Variants in TSHZ2 observed in about 807,000 individuals in gnomAD.
TSHZ2 encodes the protein teashirt homolog 2.
Under a neutral mutation model 74.4 loss-of-function variants are expected in TSHZ2, and 21 were observed. That is an observed-to-expected ratio of 0.28 (90% CI 0.20 to 0.41). The LOEUF is 0.41. Among genes scored for constraint, TSHZ2 ranks in the 10% least tolerant of loss-of-function variants. The pLI, the probability that TSHZ2 is intolerant of heterozygous loss-of-function variation, is 1.00. For synonymous variants in TSHZ2, 540 were observed against 515.3 expected (o/e 1.05, Z -0.65); for missense variants, 1,244 against 1,293.5 (o/e 0.96, Z 0.59).
chr20:53,395,125 AAGGACAG>A lies in TSHZ2; in HGVS notation c.*9-92016_*9-92010del, dbSNP rs146188164. On this transcript the variant is annotated intron_variant, in intron 2 of 2. Transcript: ENST00000371497. The stretch of plus-strand genomic sequence containing the variant: ...TCAAAGGTGAAATGATAAAAAGAAT[AAGGACAG>A]AGCACAACCCACCAGATCAATGAAA... 3.3e-5 allele frequency among the ~76,000 whole-genome samples: 5 copies of A among 152,344 alleles called. No homozygotes were observed. The East Asian group carries it at 5.8e-4, about 18-fold the overall frequency.
intron 1 of TSHZ2, among the ~76,000 whole-genome samples, chr20:52,999,069 A>G (rs956950882): frequency 6.6e-6 from 1 of 151,556 alleles, no homozygotes; most frequent in Admixed American, 6.6e-5. Flanking sequence ...TAGCAAAATG[A>G]TGGCAGAGCT....
intron 2 of TSHZ2, among the ~76,000 whole-genome samples, chr20:53,467,487 A>G (rs2145827456): frequency 6.6e-6 from 1 of 152,372 alleles, no homozygotes; most frequent in Middle Eastern, 3.4e-3. Context: ...AAAAGAAATA[A>G]TAGAAATCAT....
chr20:53,198,489 G>T (rs1600736366), intron 1 of TSHZ2, among the ~76,000 whole-genome samples: 1 of 152,100 alleles, frequency 6.6e-6, no homozygotes. Flanking sequence ...TGAAATTGAG[G>T]TCACATAGCT....
At chr20:53,169,640 T>C (rs892525369) in intron 1 of TSHZ2, among the ~76,000 whole-genome samples, 1 of 152,230 alleles carries the variant, frequency 6.6e-6, no homozygotes, top group African/African-American at 2.4e-5. Context: ...GAACTGTGCA[T>C]ATATGTAAAT....
intron 1 of TSHZ2, among the ~76,000 whole-genome samples, chr20:53,086,335 T>C (rs927148031): frequency 2.6e-5 from 4 of 152,062 alleles, no homozygotes; most frequent in African/African-American, 7.2e-5. Context: ...CTTCAGACTT[T>C]CCTTCTCTCA....
intron 2 of TSHZ2, among the ~76,000 whole-genome samples, chr20:53,337,237 C>T (rs1340991623): frequency 1.3e-5 from 2 of 152,190 alleles, no homozygotes; most frequent in Non-Finnish European, 2.9e-5. Flanking sequence ...AGATAATCTC[C>T]TTTGCTTAAA....
chr20:53,016,921 G>T (rs574374532), intron 1 of TSHZ2, among the ~76,000 whole-genome samples: 39 of 151,496 alleles, frequency 2.6e-4, no homozygotes, highest in African/African-American at 9.5e-4. Flanking sequence ...AGTTGCAGGT[G>T]GGGGGCTTGC....
intron 2 of TSHZ2, among the ~76,000 whole-genome samples, chr20:53,471,658 G>A (rs984192786): frequency 8.5e-5 from 13 of 152,174 alleles, no homozygotes; most frequent in South Asian, 2.1e-4. Context: ...GGAGCAGCAC[G>A]TGCAAAGACC....
At chr20:53,424,072 C>T (rs920598231) in intron 2 of TSHZ2, among the ~76,000 whole-genome samples, 1 of 152,220 alleles carries the variant, frequency 6.6e-6, no homozygotes, top group Non-Finnish European at 1.5e-5. Context: ...ACATCAAAGT[C>T]GATGAACTTG....
intron 2 of TSHZ2, among the ~76,000 whole-genome samples, chr20:53,379,350 C>A (rs1482124332): frequency 6.6e-6 from 1 of 152,158 alleles, no homozygotes; most frequent in Non-Finnish European, 1.5e-5. Context: ...CCACTGCATT[C>A]CAGCCTGGGT....
chr20:53,407,792 AT>A (rs1303675317), intron 2 of TSHZ2, among the ~76,000 whole-genome samples: 1 of 152,214 alleles, frequency 6.6e-6, no homozygotes, highest in Non-Finnish European at 1.5e-5. Context: ...GAACAAACTC[AT>A]TATACAGCAC....
chr20:53,350,864 A>G (rs1045328881), intron 2 of TSHZ2, among the ~76,000 whole-genome samples: 8 of 152,268 alleles, frequency 5.3e-5, no homozygotes, highest in Non-Finnish European at 8.8e-5. Context: ...ATATGAAACT[A>G]GAAGACAGAC....
At position 53,475,858 on chromosome 20, in the gene TSHZ2, C is replaced by T. The variant is rs1985977422; in HGVS notation, c.*9-11286C>T. ...ACCGATCCCACAGAAATACAAACTA[C>T]CATCAGAGAATACTACAAACACCTC... On this transcript the variant is annotated intron_variant, in intron 2 of 2. Coordinates refer to ENST00000371497, the MANE Select transcript of TSHZ2 (RefSeq NM_173485.6). 2.2e-5 allele frequency among the ~76,000 whole-genome samples: 3 copies of T among 133,664 alleles called. No homozygotes were observed. The South Asian group carries it at 7.6e-4, about 34-fold the overall frequency. 87.7% of individuals were successfully genotyped at this position (133,664 alleles called of 152,430 possible).
intron 1 of TSHZ2, among the ~76,000 whole-genome samples, chr20:53,204,098 G>T (rs1170721945): frequency 7.1e-5 from 7 of 98,010 alleles, no homozygotes; most frequent in African/African-American, 9.2e-5. Flanking sequence ...ATCATATGAT[G>T]ATATGATATA....
intron 1 of TSHZ2, among the ~76,000 whole-genome samples, chr20:53,105,957 T>G (rs2123306923): frequency 6.6e-6 from 1 of 152,326 alleles, no homozygotes; most frequent in East Asian, 1.9e-4. Context: ...CCTTATTTTA[T>G]TTTTAATTGG....
intron 1 of TSHZ2, among the ~76,000 whole-genome samples, chr20:53,060,343 G>A (rs1173432903): frequency 1.3e-5 from 2 of 152,096 alleles, no homozygotes; most frequent in African/African-American, 2.4e-5. Flanking sequence ...GATTTCTCAG[G>A]AGCTGTTTCC....
intron 2 of TSHZ2, among the ~76,000 whole-genome samples, chr20:53,404,935 G>A (rs905283628): frequency 2.6e-5 from 4 of 152,096 alleles, no homozygotes; most frequent in African/African-American, 9.7e-5. Context: ...GTTCTTCCAC[G>A]CACTCTTCGA....
At chr20:53,470,487 T>C (rs937955461) in intron 2 of TSHZ2, among the ~76,000 whole-genome samples, 2 of 152,154 alleles carry the variant, frequency 1.3e-5, no homozygotes, top group African/African-American at 4.8e-5. Context: ...TGTGTCTCCA[T>C]TGCTCCTTTG....
intron 2 of TSHZ2, among the ~76,000 whole-genome samples, chr20:53,451,603 TA>T (rs897815620): frequency 2.0e-5 from 3 of 152,198 alleles, no homozygotes; most frequent in African/African-American, 4.8e-5. Context: ...GATCCTGCCG[TA>T]AAAACTCTTC....
Sources: gnomAD v4.1 joint callset for allele counts (sites outside exome capture counted in the v4.1 genomes callset) on GRCh38, gnomAD v4.1.1 for gene constraint, MANE v1.5 for transcripts, NCBI Gene and HGNC (gene_info 2026-07-23, HGNC 2026-07-21) for gene names.